Variants in IP6K3 observed in about 807,000 individuals in gnomAD.
The protein encoded by IP6K3 is ATP:1D-myo-inositol-hexakisphosphate phosphotransferase.
Under a neutral mutation model 28.8 loss-of-function variants are expected in IP6K3, and 20 were observed. That is an observed-to-expected ratio of 0.70 (90% CI 0.49 to 1.01). The LOEUF (loss-of-function observed/expected upper bound fraction) is 1.01. Among genes scored for constraint, IP6K3 ranks in the 50% least tolerant of loss-of-function variants. IP6K3 has a pLI of 0.00. For synonymous variants in IP6K3, 213 were observed against 221.3 expected (o/e 0.96, Z 0.33); for missense variants, 480 against 537.1 (o/e 0.89, Z 1.05).
chr6:33,757,923 C>G, the IP6K3 span, among the ~76,000 whole-genome samples: 7 of 152,224 alleles, frequency 4.6e-5, no homozygotes, highest in Non-Finnish European at 1.0e-4. Context: ...GCCTCACATA[C>G]ATCCGAGGCA....
At chr6:33,731,241 G>A (rs1338390376) in intron 2 of IP6K3, among the ~76,000 whole-genome samples, 1 of 152,158 alleles carries the variant, frequency 6.6e-6, no homozygotes, top group Non-Finnish European at 1.5e-5. Flanking sequence ...GAAAATTCAA[G>A]CTGCCCTCCA....
At position 33,735,560 on chromosome 6, in the gene IP6K3, A is replaced by G. The variant is rs2127359084; in HGVS notation, c.-84T>C. 6.5e-7 allele frequency: 1 copy of G among 1,545,828 alleles called. No homozygotes were observed. Among genetic ancestry groups the G allele is most frequent in the Non-Finnish European group, 8.7e-7 (1 of 1,152,596 alleles). On this transcript the variant is annotated 5_prime_UTR_variant, in exon 2 of 6. Transcript: ENST00000293756. ...TAGAAAGGGCAGCTCCCAACAGCACACGGGGCTGTCAGCGGTCCTCAACTT... is the reference window on the plus strand; with the variant it reads ...TAGAAAGGGCAGCTCCCAACAGCACGCGGGGCTGTCAGCGGTCCTCAACTT...
chr6:33,732,775 G>A (rs1418865413), intron 2 of IP6K3, among the ~76,000 whole-genome samples: 1 of 152,218 alleles, frequency 6.6e-6, no homozygotes, highest in African/African-American at 2.4e-5. Flanking sequence ...GTTGTGTCAG[G>A]CACAGCAGAC....
At chr6:33,747,433 C>A (rs543864152), upstream of IP6K3, among the ~76,000 whole-genome samples, 1 of 152,274 alleles carries the variant, frequency 6.6e-6, no homozygotes, top group African/African-American at 2.4e-5. The surrounding 1 kb of genome is among the most constrained non-coding windows in gnomAD (Gnocchi z 5.2). Flanking sequence ...CCAAGCACCC[C>A]CAGTGTCAGG....
the IP6K3 span, among the ~76,000 whole-genome samples, chr6:33,761,319 TCTCTC>T: frequency 5.9e-5 from 9 of 151,922 alleles, no homozygotes; most frequent in East Asian, 1.7e-3. Context: ...CCCGTCCCCT[TCTCTC>T]CTGCCTGCCC....
intron 2 of IP6K3, among the ~76,000 whole-genome samples, chr6:33,730,791 C>T (rs80230821): frequency 0.017 from 2,603 of 152,212 alleles, 88 homozygotes; most frequent in African/African-American, 0.054. Context: ...CCATGCCAGA[C>T]GTGGGGATGG....
chr6:33,759,948 C>T, the IP6K3 span, among the ~76,000 whole-genome samples: 2 of 152,098 alleles, frequency 1.3e-5, no homozygotes, highest in Non-Finnish European at 2.9e-5. Flanking sequence ...GGACCCCCCA[C>T]CTTGCCCTGC....
chr6:33,728,176 C>CT lies in IP6K3; in HGVS notation c.323dup (p.Thr109AspfsTer59). 6.2e-7 allele frequency: 1 copy of CT among 1,613,552 alleles called. No individual in the cohort carries two copies. Among genetic ancestry groups the CT allele is most frequent in the Non-Finnish European group, 8.5e-7 (1 of 1,180,030 alleles). On this transcript the variant is annotated frameshift_variant, in exon 3 of 6. Transcript: ENST00000293756. LOFTEE classifies it high-confidence loss of function. Reference sequence around the variant, plus strand: ...TGCTGCCGGTGGTCTGCTGGAGCGTCTGCCATATGGCCACCGCCGCCGACT... The same window carrying CT: ...TGCTGCCGGTGGTCTGCTGGAGCGTCTTGCCATATGGCCACCGCCGCCGACT...
chr6:33,750,578 C>T (rs1194030586), upstream of IP6K3, among the ~76,000 whole-genome samples: 1 of 152,224 alleles, frequency 6.6e-6, no homozygotes, highest in Non-Finnish European at 1.5e-5. This position sits in a 1 kb window ranked among gnomAD's most constrained non-coding sequence, Gnocchi z 4.3. Flanking sequence ...GCCTGTCTCT[C>T]TTCCTTGGGG....
intron 1 of IP6K3, chr6:33,739,105 C>CA (rs1055846135): frequency 1.3e-5 from 2 of 152,250 alleles, no homozygotes; most frequent in African/African-American, 4.8e-5. Context: ...CCTCTGATCT[C>CA]AGATGTTCTC....
intron 1 of IP6K3, among the ~76,000 whole-genome samples, chr6:33,743,587 G>T (rs1582228449): frequency 1.3e-5 from 2 of 152,260 alleles, no homozygotes; most frequent in African/African-American, 4.8e-5. Flanking sequence ...TTTCCAGGGG[G>T]AAAAATGGAG....
chr6:33,729,193 G>A (rs562240566), intron 2 of IP6K3, among the ~76,000 whole-genome samples: 9 of 152,350 alleles, frequency 5.9e-5, no homozygotes, highest in East Asian at 3.9e-4. Context: ...ACCCTTTAGC[G>A]TCCTTCCTCT....
upstream of IP6K3, among the ~76,000 whole-genome samples, chr6:33,749,633 CGT>C (rs146188796): frequency 5.3e-5 from 8 of 150,028 alleles, no homozygotes; most frequent in East Asian, 2.0e-4. Flanking sequence ...CTCTGCAGGC[CGT>C]GTGTGTGTGT....
At chr6:33,741,645 CAAAAAAAAA>C (rs11403411) in intron 1 of IP6K3, among the ~76,000 whole-genome samples, 1 of 29,376 alleles carries the variant, frequency 3.4e-5, no homozygotes, top group Non-Finnish European at 5.1e-5. Flanking sequence ...GACTCCATCT[CAAAAAAAAA>C]AAAAAAAAAA....
chr6:33,727,917 AAT>A (rs1766176254), intron 3 of IP6K3, 168 bp downstream of exon 3: 5 of 985,450 alleles, frequency 5.1e-6, no homozygotes, highest in Non-Finnish European at 6.0e-6. Flanking sequence ...ACATAAAGAA[AAT>A]CCATTCCTTT....
the IP6K3 span, among the ~76,000 whole-genome samples, chr6:33,754,327 G>C: frequency 6.6e-6 from 1 of 152,104 alleles, no homozygotes; most frequent in Non-Finnish European, 1.5e-5. Context: ...TCTCTCTGCT[G>C]GAAGGAAGGT....
At chr6:33,752,498 C>T in the IP6K3 span, among the ~76,000 whole-genome samples, 2 of 152,218 alleles carry the variant, frequency 1.3e-5, no homozygotes, top group African/African-American at 4.8e-5. Context: ...CAGAGCAGTC[C>T]TTTAGAGAAA....
chr6:33,745,621 C>T (rs996232050), intron 1 of IP6K3, among the ~76,000 whole-genome samples: 1 of 152,128 alleles, frequency 6.6e-6, no homozygotes, highest in African/African-American at 2.4e-5. Context: ...ATTTAAGAGA[C>T]CTGCTGACCC....
chr6:33,741,099 C>T (rs747302772), intron 1 of IP6K3, among the ~76,000 whole-genome samples: 3 of 152,170 alleles, frequency 2.0e-5, no homozygotes, highest in African/African-American at 2.4e-5. Flanking sequence ...GTGGGAACTT[C>T]AAGAGATGTT....
Sources: allele counts gnomAD v4.1 joint callset (sites outside exome capture counted in the v4.1 genomes callset), GRCh38; gene constraint gnomAD v4.1.1; non-coding constraint Gnocchi (gnomAD v3.1); transcripts MANE v1.5; gene names NCBI Gene and HGNC (gene_info 2026-07-23, HGNC 2026-07-21).